PRKAR2B: variants seen among roughly 807,000 people sequenced by gnomAD.
The protein encoded by PRKAR2B is protein kinase cAMP-dependent type II regulatory subunit beta.
A neutral mutation model predicts 49.9 loss-of-function variants in PRKAR2B; 14 were observed. The ratio of observed to expected loss-of-function variants is 0.28; its 90% CI spans 0.19 to 0.44. PRKAR2B has a LOEUF of 0.44. PRKAR2B is among the 20% of genes least tolerant of loss of function. The pLI is 1.00. For synonymous variants in PRKAR2B, 196 were observed against 197.7 expected, an observed-to-expected ratio of 0.99 and a Z score of 0.07; for missense variants, 393 against 537.9, an observed-to-expected ratio of 0.73 and a Z score of 2.67.
chr7:107,143,825 T>A (rs907316839), intron 5 of PRKAR2B, among the ~76,000 whole-genome samples: 2 of 152,196 alleles, frequency 1.3e-5, no homozygotes, highest in Non-Finnish European at 2.9e-5. Context: ...AAACATAAAC[T>A]GATTTTGTAT....
At chr7:107,158,777 T>G (rs967808913) in intron 10 of PRKAR2B, among the ~76,000 whole-genome samples, 1 of 152,222 alleles carries the variant, frequency 6.6e-6, no homozygotes, top group African/African-American at 2.4e-5. Context: ...TTGTAAACAT[T>G]GCCTTTTTTA....
chr7:107,113,092 TC>T (rs1319897093), intron 2 of PRKAR2B, among the ~76,000 whole-genome samples: 1 of 152,198 alleles, frequency 6.6e-6, no homozygotes, highest in Non-Finnish European at 1.5e-5. Flanking sequence ...ATATTTCTGT[TC>T]CTATAATTCT....
intron 1 of PRKAR2B, among the ~76,000 whole-genome samples, chr7:107,048,804 T>G (rs1357979526): frequency 1.3e-5 from 2 of 152,164 alleles, no homozygotes; most frequent in Non-Finnish European, 2.9e-5. Context: ...TCTCTTCCAG[T>G]CTTATAAATT....
chr7:107,077,358 C>CTCATAGTCA (rs1388922819), intron 2 of PRKAR2B: 1 of 152,178 alleles, frequency 6.6e-6, no homozygotes, highest in Non-Finnish European at 1.5e-5. Flanking sequence ...CTGATGATGA[C>CTCATAGTCA]TCATAGTGTA....
chr7:107,095,751 T>C (rs1007634497), intron 2 of PRKAR2B, among the ~76,000 whole-genome samples: 1 of 152,226 alleles, frequency 6.6e-6, no homozygotes, highest in Non-Finnish European at 1.5e-5. Flanking sequence ...TCTGCATCTA[T>C]TGAGATAATC....
chr7:107,096,470 ATT>A (rs879865930), intron 2 of PRKAR2B, among the ~76,000 whole-genome samples: 1 of 144,304 alleles, frequency 6.9e-6, no homozygotes, highest in Non-Finnish European at 1.5e-5. Flanking sequence ...GGATTCATTG[ATT>A]TTTTTTTTTT....
intron 7 of PRKAR2B, among the ~76,000 whole-genome samples, chr7:107,151,871 A>T (rs1795994763): frequency 6.6e-6 from 1 of 152,240 alleles, no homozygotes; most frequent in South Asian, 2.1e-4. Context: ...AGGTTGAAAA[A>T]TCATTAATCA....
At position 107,094,125 on chromosome 7, in the gene PRKAR2B, C is replaced by G. The variant is rs570062443; in HGVS notation, c.343+23809C>G. ...ACAGTTGAACTAGTTTACAGTCCCACCAACAGTGTAAAAGTGTTCCTATTT... is the reference window on the plus strand; with the variant it reads ...ACAGTTGAACTAGTTTACAGTCCCAGCAACAGTGTAAAAGTGTTCCTATTT... On this transcript the variant is annotated intron_variant, in intron 2 of 10. Transcript: ENST00000265717. 2.0e-5 allele frequency among the ~76,000 whole-genome samples: 3 copies of G among 152,376 alleles called. No individual in the cohort carries two copies. The South Asian group carries it at 6.2e-4, about 32-fold the overall frequency.
At chr7:107,102,376 G>A (rs1012192241) in intron 2 of PRKAR2B, among the ~76,000 whole-genome samples, 1 of 152,202 alleles carries the variant, frequency 6.6e-6, no homozygotes, top group African/African-American at 2.4e-5. Flanking sequence ...GAATAATTTA[G>A]CATATAATTA....
intron 2 of PRKAR2B, among the ~76,000 whole-genome samples, chr7:107,076,337 C>A (rs145753139): frequency 0.014 from 2,145 of 152,202 alleles, 47 homozygotes; most frequent in African/African-American, 0.05. Context: ...TTTTTTCTCT[C>A]TCTCTTTTAA....
chr7:107,098,832 A>C (rs1407207210), intron 2 of PRKAR2B, among the ~76,000 whole-genome samples: 4 of 152,152 alleles, frequency 2.6e-5, no homozygotes, highest in African/African-American at 9.7e-5. Flanking sequence ...CAGAACAGCA[A>C]ATATTGCAGA....
chr7:107,116,927 A>G (rs1379307627), intron 2 of PRKAR2B, among the ~76,000 whole-genome samples: 2 of 147,746 alleles, frequency 1.4e-5, no homozygotes, highest in Admixed American at 6.8e-5. Flanking sequence ...GTGTATATGT[A>G]TGTGTGTATA....
At chr7:107,054,396 A>G (rs561690203) in intron 1 of PRKAR2B, among the ~76,000 whole-genome samples, 35 of 152,268 alleles carry the variant, frequency 2.3e-4, no homozygotes, top group African/African-American at 8.2e-4. Flanking sequence ...GCGGCACATG[A>G]CATGATTCTA....
At position 107,044,970 on chromosome 7, in the gene PRKAR2B, G is replaced by C. The variant is rs775126947; in HGVS notation, c.63G>C (p.Leu21=). Residue 21 remains leucine (L), a synonymous_variant, in exon 1 of 11, where the codon CTG becomes CTC. Transcript: ENST00000265717. ...TGCAGGGCTTCACGGTGGAGGTGCT[G>C]AGGCACCAGCCCGCGGACCTGCTGG... ...ELLQGFTVEV[L]RHQPADLLEF... is the part of the protein sequence containing the mutation. 5.6e-5 allele frequency: 89 copies of C among 1,587,094 alleles called. No individual in the cohort carries two copies. The highest frequency in any genetic ancestry group is 7.3e-5 in the Non-Finnish European group (85 of 1,169,484).
chr7:107,045,447 G>A (rs1457214039), intron 1 of PRKAR2B, among the ~76,000 whole-genome samples: 3 of 152,166 alleles, frequency 2.0e-5, no homozygotes, highest in Non-Finnish European at 2.9e-5. Flanking sequence ...AGAGGTGGGA[G>A]AGCTGGGATG....
chr7:107,126,763 GT>G (rs141957774), intron 3 of PRKAR2B, among the ~76,000 whole-genome samples: 6,924 of 152,268 alleles, frequency 0.045, 197 homozygotes, highest in African/African-American at 0.064. Flanking sequence ...AGTTTGGTTG[GT>G]GTGGTTTGGT....
chr7:107,082,518 C>T (rs1794532269), intron 2 of PRKAR2B, among the ~76,000 whole-genome samples: 1 of 152,052 alleles, frequency 6.6e-6, no homozygotes. Flanking sequence ...AATAAATAAG[C>T]ATTCATGTTA....
chr7:107,082,513 A>G (rs968227599), intron 2 of PRKAR2B, among the ~76,000 whole-genome samples: 24 of 152,362 alleles, frequency 1.6e-4, no homozygotes, highest in Middle Eastern at 3.4e-3. Flanking sequence ...TGACTAATAA[A>G]TAAGCATTCA....
intron 2 of PRKAR2B, chr7:107,081,906 A>C (rs1359964210): frequency 6.6e-6 from 1 of 152,238 alleles, no homozygotes; most frequent in East Asian, 1.9e-4. Flanking sequence ...TTTTCCTTAG[A>C]TATTTTAAAA....
Sources: gnomAD v4.1 joint callset for allele counts (sites outside exome capture counted in the v4.1 genomes callset) on GRCh38, gnomAD v4.1.1 for gene constraint, MANE v1.5 for transcripts, NCBI Gene and HGNC (gene_info 2026-07-23, HGNC 2026-07-21) for gene names.